Variants in COQ7 observed in about 807,000 individuals in gnomAD.
COQ7 encodes the protein NADPH-dependent 3-demethoxyubiquinone 3-hydroxylase, mitochondrial.
A neutral mutation model predicts 25.0 loss-of-function variants in COQ7; 21 were observed. The ratio of observed to expected loss-of-function variants is 0.84; its 90% CI spans 0.60 to 1.21. The LOEUF (loss-of-function observed/expected upper bound fraction) is 1.21. Among genes scored for constraint, COQ7 ranks in the 50% most tolerant of loss-of-function variants. The pLI is 0.00. For synonymous variants in COQ7, 125 were observed against 112.4 expected, an observed-to-expected ratio of 1.11 and a Z score of -0.71; for missense variants, 311 against 296.2, an observed-to-expected ratio of 1.05 and a Z score of -0.37.
chr16:19,076,880 C>T (rs139437576), intron 4 of COQ7, among the ~76,000 whole-genome samples: 1 of 152,324 alleles, frequency 6.6e-6, no homozygotes, highest in Non-Finnish European at 1.5e-5. Flanking sequence ...GCGTGAGCCA[C>T]CGCGCCCGGC....
intron 3 of COQ7, among the ~76,000 whole-genome samples, chr16:19,074,634 C>T (rs1297901012): frequency 6.6e-6 from 1 of 152,150 alleles, no homozygotes; most frequent in Non-Finnish European, 1.5e-5. Context: ...ACCTCAAACT[C>T]TTGGGTTCAA....
At chr16:19,080,464 A>G (rs1963074317), downstream of COQ7, among the ~76,000 whole-genome samples, 1 of 152,120 alleles carries the variant, frequency 6.6e-6, no homozygotes, top group African/African-American at 2.4e-5. Context: ...CTGGAATTCT[A>G]TTTTATAATA....
At chr16:19,074,485 A>G (rs1423480511) in intron 3 of COQ7, among the ~76,000 whole-genome samples, 1 of 151,962 alleles carries the variant, frequency 6.6e-6, no homozygotes. Flanking sequence ...AGATTGGCCC[A>G]CTGCACTCCA....
At chr16:19,075,199 A>ATTTTT (rs71143834) in intron 3 of COQ7, among the ~76,000 whole-genome samples, 1 of 89,314 alleles carries the variant, frequency 1.1e-5, no homozygotes, top group Non-Finnish European at 2.4e-5. Flanking sequence ...ACCTAGGGAC[A>ATTTTT]TTTTTTTTTT....
intron 2 of COQ7, chr16:19,072,343 A>T (rs767776201): frequency 1.1e-5 from 6 of 522,070 alleles, no homozygotes; most frequent in Non-Finnish European, 2.1e-5. Context: ...TGGTATCAGT[A>T]CTCCATGGCG....
intron 5 of COQ7, 114 bp downstream of exon 5, chr16:19,077,488 G>C: frequency 1.3e-6 from 1 of 742,186 alleles, no homozygotes; most frequent in Admixed American, 2.8e-5. Context: ...GAAAGGGAGA[G>C]AAAACCAATG....
At chr16:19,082,428 T>G (rs1025613409), downstream of COQ7, among the ~76,000 whole-genome samples, 3 of 151,494 alleles carry the variant, frequency 2.0e-5, no homozygotes, top group African/African-American at 7.3e-5. Flanking sequence ...TCCAGGAGTT[T>G]GAGGTTGCAG....
intron 1 of COQ7, among the ~76,000 whole-genome samples, chr16:19,071,211 C>T (rs1375418788): frequency 1.3e-5 from 2 of 152,194 alleles, no homozygotes; most frequent in Non-Finnish European, 1.5e-5. Context: ...TCTTGGCTCA[C>T]GGCAATCTCT....
chr16:19,080,942 A>G (rs1226680530), downstream of COQ7, among the ~76,000 whole-genome samples: 1 of 152,172 alleles, frequency 6.6e-6, no homozygotes, highest in African/African-American at 2.4e-5. Flanking sequence ...TATTTCCAAT[A>G]TCTTTAGATT....
Position 19,075,828 on chromosome 16 carries a change from G to T in COQ7, c.475G>T (p.Glu159Ter). Residue 159 changes from glutamate (E) to a stop codon, truncating the protein, a stop_gained, in exon 4 of 6, where the codon GAG becomes TAG. Transcript: ENST00000321998. LOFTEE classifies it high-confidence loss of function. ...YNNQIRTLME[E>*]DPEKYEELLQ... ...CAACCAGATCAGGACGCTGATGGAGGAGGACCCTGAAAAATACGAGGAACT... is the reference window on the plus strand; with the variant it reads ...CAACCAGATCAGGACGCTGATGGAGTAGGACCCTGAAAAATACGAGGAACT... 4 of 1,614,232 alleles carry T rather than the reference G, an allele frequency of 2.5e-6. No individual in the cohort carries two copies. Among genetic ancestry groups the T allele is most frequent in the Admixed American group, 1.7e-5 (1 of 60,028 alleles).
chr16:19,071,655 C>T, intron 1 of COQ7: 1 of 443,328 alleles, frequency 2.3e-6, no homozygotes, highest in Non-Finnish European at 4.2e-6. Context: ...GAACCATGCT[C>T]ATCTAGAAGC....
chr16:19,076,453 T>G (rs1429220539), intron 4 of COQ7, among the ~76,000 whole-genome samples: 3 of 151,778 alleles, frequency 2.0e-5, no homozygotes, highest in African/African-American at 7.3e-5. Flanking sequence ...ATTTTTAAAA[T>G]TTTTTGTAGG....
At chr16:19,068,143 C>A (rs146241171) in intron 1 of COQ7, 7 of 1,052,050 alleles carry the variant, frequency 6.7e-6, no homozygotes, top group Non-Finnish European at 8.0e-6. Flanking sequence ...GCCTCCGCTA[C>A]TTCTGGGCGC....
chr16:19,074,299 G>A (rs943893605), intron 3 of COQ7, among the ~76,000 whole-genome samples: 5 of 151,984 alleles, frequency 3.3e-5, no homozygotes, highest in Non-Finnish European at 5.9e-5. Flanking sequence ...GCCGAGGCGG[G>A]CAGATCATGA....
intron 2 of COQ7, among the ~76,000 whole-genome samples, chr16:19,072,745 A>C (rs1962627688): frequency 1.3e-5 from 2 of 152,200 alleles, no homozygotes; most frequent in Admixed American, 1.3e-4. Flanking sequence ...GCGCAGTCAT[A>C]GTGTGTCCTT....
At chr16:19,076,647 T>C (rs570897762) in intron 4 of COQ7, among the ~76,000 whole-genome samples, 51 of 139,388 alleles carry the variant, frequency 3.7e-4, no homozygotes, top group African/African-American at 1.4e-3. Flanking sequence ...AAGGCTGGAG[T>C]GCAGTGGTCT....
In COQ7 at chr16:19,077,344, T is replaced by A. The variant is rs1327149206; in HGVS notation, c.546T>A (p.His182Gln). The change falls in exon 5 of 6, where the codon CAT becomes CAA. Residue 182 changes from histidine (H) to glutamine (Q), a missense_variant. Physicochemically the swap from His to Gln is conservative, Grantham distance 24. Transcript: ENST00000321998. ...TTCGGGATGAAGAGCTTGAGCACCA[T>A]GACATAGGCCTCGACCATGATGCAG... is the stretch of plus-strand genomic sequence containing the variant. ...KKFRDEELEH[H>Q]DIGLDHDAEL... is the part of the protein sequence containing the mutation. The A allele has an allele frequency of 1.2e-6, 2 of 1,614,142 alleles. No homozygotes were observed. The highest frequency in any genetic ancestry group is 1.7e-6 in the Non-Finnish European group (2 of 1,180,038).
In COQ7 at chr16:19,080,015, C is replaced by T. The variant is rs997562613; in HGVS notation, c.*1857C>T. The T allele has an allele frequency of 1.3e-5, 2 of 152,164 alleles. No individual in the cohort carries two copies. The highest frequency in any genetic ancestry group is 1.5e-5 in the Non-Finnish European group (1 of 68,052). 9.4% of individuals were successfully genotyped at this position (152,164 alleles called of 1,614,324 possible). On this transcript the variant is annotated 3_prime_UTR_variant, in exon 6 of 6. Coordinates refer to ENST00000321998, the MANE Select transcript of COQ7 (RefSeq NM_016138.5). ...ACAAAATAAATGCTGTGTGTGAACACGTTGATTAAATTCAAAAGGGTATTA... is the reference window on the plus strand; with the variant it reads ...ACAAAATAAATGCTGTGTGTGAACATGTTGATTAAATTCAAAAGGGTATTA...
At chr16:19,069,812 C>G (rs1456289717) in intron 1 of COQ7, among the ~76,000 whole-genome samples, 1 of 151,906 alleles carries the variant, frequency 6.6e-6, no homozygotes, top group Non-Finnish European at 1.5e-5. Flanking sequence ...GAGACAGAGT[C>G]TCACTCTGTC....
Sources: gnomAD v4.1 joint callset for allele counts (sites outside exome capture counted in the v4.1 genomes callset) on GRCh38, gnomAD v4.1.1 for gene constraint, MANE v1.5 for transcripts, NCBI Gene and HGNC (gene_info 2026-07-23, HGNC 2026-07-21) for gene names.